Variants in ASB11 observed in about 807,000 individuals in gnomAD.
The protein encoded by ASB11 is ankyrin repeat and SOCS box containing 11.
In ASB11, 17 loss-of-function variants were observed where a neutral mutation model predicts 20.1. The observed-to-expected ratio is 0.85, with a 90% CI of 0.58 to 1.27. ASB11 has a LOEUF of 1.27. ASB11 is among the 50% of genes most tolerant of loss of function. The pLI, the probability that ASB11 is intolerant of heterozygous loss-of-function variation, is 0.00. For synonymous variants in ASB11, 107 were observed against 105.6 expected, an observed-to-expected ratio of 1.01 and a Z score of -0.08; for missense variants, 259 against 256.9, an observed-to-expected ratio of 1.01 and a Z score of -0.06.
At chrX:15,288,712 T>C (rs1014786405) in intron 5 of ASB11, among the ~76,000 whole-genome samples, 1 of 110,449 alleles carries the variant, frequency 9.1e-6, no homozygotes, top group Non-Finnish European at 1.9e-5. Flanking sequence ...GGTAAAATCC[T>C]GTCTCTACTA....
chrX:15,310,551 C>T (rs1256735981), intron 1 of ASB11, among the ~76,000 whole-genome samples: 1 of 112,248 alleles, frequency 8.9e-6, no homozygotes, highest in Non-Finnish European at 1.9e-5. Flanking sequence ...CTTCTAAAAC[C>T]GTATATATTT....
At chrX:15,285,023 T>C (rs1428335264) in intron 6 of ASB11, among the ~76,000 whole-genome samples, 1 of 111,815 alleles carries the variant, frequency 8.9e-6, no homozygotes, top group East Asian at 2.8e-4. Context: ...AATAGAAAAC[T>C]TCTTTACCTG....
chrX:15,303,264 G>A (rs1164476580), intron 1 of ASB11, among the ~76,000 whole-genome samples: 1 of 110,961 alleles, frequency 9.0e-6, no homozygotes, highest in African/African-American at 3.3e-5. Context: ...CAATCTTTTG[G>A]TTTCCCTGGG....
At chrX:15,302,029 A>G (rs1352938833) in intron 2 of ASB11, among the ~76,000 whole-genome samples, 2 of 111,387 alleles carry the variant, frequency 1.8e-5, no homozygotes, top group African/African-American at 6.5e-5. Flanking sequence ...ACAGAATGTC[A>G]CTTCGGAGAT....
At chrX:15,295,376 T>G (rs946772656) in intron 3 of ASB11, among the ~76,000 whole-genome samples, 3 of 112,120 alleles carry the variant, frequency 2.7e-5, no homozygotes, top group African/African-American at 9.7e-5. Context: ...ATAAATAATT[T>G]AGATGACTAT....
intron 1 of ASB11, among the ~76,000 whole-genome samples, chrX:15,311,876 T>C (rs1921439726): frequency 9.0e-6 from 1 of 111,336 alleles, no homozygotes; most frequent in African/African-American, 3.3e-5. Context: ...ATCAAAATGT[T>C]TGACTGTGGG....
Position 15,282,924 on chromosome X carries a change from G to A in ASB11, c.*581C>T, listed in dbSNP as rs1927221995. The A allele has an allele frequency of 9.6e-6, 1 of 103,687 alleles. No individual in the cohort carries two copies. Among genetic ancestry groups the A allele is most frequent in the African/African-American group, 3.5e-5 (1 of 28,410 alleles). The allele number at this position is 103,687 out of a possible 1,213,427, so 8.5% of individuals were successfully genotyped here. The stretch of plus-strand genomic sequence containing the variant: ...AACATATATGAACTATATATATTAA[G>A]GACTTTGAAAACATTAAATATATGA... On this transcript the variant is annotated 3_prime_UTR_variant, in exon 7 of 7. Coordinates refer to ENST00000480796, the MANE Select transcript of ASB11 (RefSeq NM_080873.3).
chrX:15,284,045 G>A (rs902842757), intron 6 of ASB11, among the ~76,000 whole-genome samples: 21 of 108,525 alleles, frequency 1.9e-4, no homozygotes, highest in Non-Finnish European at 3.4e-4. Context: ...GAGGTCAGGA[G>A]ATGGAGACCA....
chrX:15,284,007 C>G (rs760273362), intron 6 of ASB11, among the ~76,000 whole-genome samples: 3 of 110,561 alleles, frequency 2.7e-5, no homozygotes, highest in Non-Finnish European at 3.8e-5. Flanking sequence ...AATCCCAGCA[C>G]TTTGGGAGGC....
Position 15,283,314 on chromosome X carries a change from T to G in ASB11, c.*191A>C, listed in dbSNP as rs115829004. ...AGCTAAATGGTTTCTACTTGCCCCT[T>G]GGTTAATGAGAACATTAAACTAACC... On this transcript the variant is annotated 3_prime_UTR_variant, in exon 7 of 7. Transcript: ENST00000480796. The G allele has an allele frequency of 5.1e-3, 2,413 of 469,555 alleles. 41 individuals carry two copies. Among genetic ancestry groups the G allele is most frequent in the African/African-American group, 0.05 (2,102 of 41,894 alleles). The allele number at this position is 469,555 out of a possible 1,213,427, so 38.7% of individuals were successfully genotyped here.
Position 15,282,286 on chromosome X carries a change from T to TA in ASB11, c.*1218dup, listed in dbSNP as rs1387221057. 2.7e-5 allele frequency: 3 copies of TA among 111,325 alleles called. No homozygotes were observed. Among genetic ancestry groups the TA allele is most frequent in the Non-Finnish European group, 5.7e-5 (3 of 53,091 alleles). The allele number at this position is 111,325 out of a possible 1,213,427, so 9.2% of individuals were successfully genotyped here. A position where few individuals can be genotyped will look rare whatever the true frequency, so the allele number is the denominator to read the frequency against. On this transcript the variant is annotated 3_prime_UTR_variant, in exon 7 of 7. Coordinates refer to ENST00000480796, the MANE Select transcript of ASB11 (RefSeq NM_080873.3). ...AATACTGAACCATGACAGTAATACT[T>TA]ACAATAATTAAAAGTCTATCCAGTT...
chrX:15,297,059 C>T (rs889196843), intron 3 of ASB11, among the ~76,000 whole-genome samples: 20 of 111,979 alleles, frequency 1.8e-4, no homozygotes, highest in Admixed American at 2.8e-4. Flanking sequence ...TTTGGGAGGC[C>T]GAGGCAGGTG....
intron 6 of ASB11, among the ~76,000 whole-genome samples, chrX:15,286,952 C>T (rs1250921729): frequency 8.9e-6 from 1 of 111,789 alleles, no homozygotes; most frequent in Non-Finnish European, 1.9e-5. Context: ...TCAATATAGG[C>T]TCCGAAAATA....
intron 4 of ASB11, chrX:15,289,907 C>T: frequency 4.5e-6 from 1 of 224,523 alleles, no homozygotes. Flanking sequence ...ACCCATAATC[C>T]CAGCTACTCG....
intron 1 of ASB11, among the ~76,000 whole-genome samples, chrX:15,312,417 C>CAAAAAAA (rs1231680554): frequency 0.022 from 506 of 23,310 alleles, 9 homozygotes; most frequent in Middle Eastern, 0.048. Flanking sequence ...GCCCACTGCA[C>CAAAAAAA]AAAAAAAAAA....
intron 1 of ASB11, among the ~76,000 whole-genome samples, chrX:15,303,272 G>A: frequency 9.0e-6 from 1 of 110,948 alleles, no homozygotes; most frequent in Middle Eastern, 4.6e-3. Flanking sequence ...TGGTTTCCCT[G>A]GGCCGCATTG....
chrX:15,313,823 G>A (rs911126615), intron 1 of ASB11, among the ~76,000 whole-genome samples: 28 of 110,929 alleles, frequency 2.5e-4, no homozygotes, highest in African/African-American at 2.9e-4. Context: ...AGGCCGAGGC[G>A]GGCGGATCAT....
intron 4 of ASB11, among the ~76,000 whole-genome samples, chrX:15,291,676 C>T (rs1413481871): frequency 2.9e-5 from 3 of 104,478 alleles, no homozygotes; most frequent in Non-Finnish European, 5.9e-5. Context: ...CATTGCACTC[C>T]AGCCTGTGAG....
chrX:15,308,133 T>C (rs904038603), intron 1 of ASB11, among the ~76,000 whole-genome samples: 2 of 112,126 alleles, frequency 1.8e-5, no homozygotes, highest in Non-Finnish European at 3.8e-5. Flanking sequence ...TGGGAAGTGT[T>C]AACTGGAAGA....
Sources: gnomAD v4.1 joint callset for allele counts (sites outside exome capture counted in the v4.1 genomes callset) on GRCh38, gnomAD v4.1.1 for gene constraint, MANE v1.5 for transcripts, NCBI Gene and HGNC (gene_info 2026-07-23, HGNC 2026-07-21) for gene names.